KCNAB1: variants seen among roughly 807,000 people sequenced by gnomAD.
KCNAB1 encodes the protein potassium voltage-gated channel subfamily A regulatory beta subunit 1.
In KCNAB1, 35 loss-of-function variants were observed where a neutral mutation model predicts 64.6. That is an observed-to-expected ratio of 0.54 (90% CI 0.41 to 0.72). The LOEUF is 0.72. Among genes scored for constraint, KCNAB1 ranks in the 30% least tolerant of loss-of-function variants. The pLI is 0.00. For missense variants in KCNAB1, 401 were observed against 512.9 expected (o/e 0.78, Z 2.11); for synonymous variants, 177 against 183.8 (o/e 0.96, Z 0.30).
At chr3:156,503,441 T>C (rs1236242781) in intron 8 of KCNAB1, among the ~76,000 whole-genome samples, 2 of 152,210 alleles carry the variant, frequency 1.3e-5, no homozygotes, top group East Asian at 1.9e-4. Context: ...AAAGAGTACA[T>C]GTCTGGTGGA....
intron 1 of KCNAB1, among the ~76,000 whole-genome samples, chr3:156,368,357 C>T (rs182504370): frequency 2.6e-5 from 4 of 152,122 alleles, no homozygotes; most frequent in South Asian, 4.2e-4. Context: ...CCTGGTGATC[C>T]GTTCAAAGGG....
At chr3:156,280,207 C>T (rs1202819748) in intron 1 of KCNAB1, among the ~76,000 whole-genome samples, 4 of 150,346 alleles carry the variant, frequency 2.7e-5, no homozygotes, top group African/African-American at 9.8e-5. Flanking sequence ...TTTCCCAGCA[C>T]CATTTATTAA....
At chr3:156,526,733 A>T (rs1490933611) in intron 12 of KCNAB1, among the ~76,000 whole-genome samples, 1 of 152,162 alleles carries the variant, frequency 6.6e-6, no homozygotes, top group Non-Finnish European at 1.5e-5. Context: ...CTATACTATT[A>T]CTAGTCATAT....
At chr3:156,218,799 A>T (rs1389301362) in intron 1 of KCNAB1, among the ~76,000 whole-genome samples, 3 of 101,828 alleles carry the variant, frequency 2.9e-5, no homozygotes, top group Non-Finnish European at 5.7e-5. Flanking sequence ...AAAAAAAAAA[A>T]AAAATAATAA....
intron 1 of KCNAB1, among the ~76,000 whole-genome samples, chr3:156,335,589 C>T (rs549495437): frequency 7.9e-5 from 12 of 152,348 alleles, no homozygotes; most frequent in African/African-American, 2.4e-4. Flanking sequence ...AATATCCAGA[C>T]ATTATCTAGA....
intron 1 of KCNAB1, among the ~76,000 whole-genome samples, chr3:156,244,916 T>C (rs1717365964): frequency 6.6e-6 from 1 of 152,202 alleles, no homozygotes; most frequent in South Asian, 2.1e-4. Context: ...AGGACAGATA[T>C]CCTTTGCATT....
chr3:156,378,435 G>A (rs549822268), intron 1 of KCNAB1, among the ~76,000 whole-genome samples: 50 of 152,218 alleles, frequency 3.3e-4, no homozygotes, highest in African/African-American at 1.2e-3. Context: ...ACTGAACTAT[G>A]CATGCATGGT....
intron 1 of KCNAB1, 128 bp downstream of exon 1, chr3:156,121,014 A>G (rs1425078582): frequency 9.3e-7 from 1 of 1,080,964 alleles, no homozygotes; most frequent in Non-Finnish European, 1.3e-6. Context: ...GATGATTGGC[A>G]CTTCAGAATG....
intron 1 of KCNAB1, among the ~76,000 whole-genome samples, chr3:156,211,217 G>A (rs1161177225): frequency 7.2e-5 from 11 of 151,986 alleles, no homozygotes; most frequent in Admixed American, 7.2e-4. Flanking sequence ...CTTATTCTGG[G>A]GAACTATATA....
At chr3:156,264,030 G>T (rs961255166) in intron 1 of KCNAB1, among the ~76,000 whole-genome samples, 1 of 151,976 alleles carries the variant, frequency 6.6e-6, no homozygotes, top group Non-Finnish European at 1.5e-5. Context: ...AAGAAGTGTT[G>T]AATTGTCTAT....
At chr3:156,436,264 G>A (rs1227547538) in intron 2 of KCNAB1, among the ~76,000 whole-genome samples, 1 of 152,140 alleles carries the variant, frequency 6.6e-6, no homozygotes, top group African/African-American at 2.4e-5. Context: ...TTTTATGGCT[G>A]CATAGTATTC....
At chr3:156,421,859 T>C (rs186215310) in intron 2 of KCNAB1, among the ~76,000 whole-genome samples, 200 bp downstream of exon 2, 90 of 152,282 alleles carry the variant, frequency 5.9e-4, no homozygotes, top group Admixed American at 5.2e-3. Flanking sequence ...TCATGATTCC[T>C]TATAGGGGCC....
intron 1 of KCNAB1, among the ~76,000 whole-genome samples, chr3:156,310,122 T>A (rs1438169490): frequency 6.6e-6 from 1 of 152,206 alleles, no homozygotes; most frequent in African/African-American, 2.4e-5. Flanking sequence ...GGACTCTTTG[T>A]GCAGTAGTGC....
At chr3:156,476,313 C>A (rs1002498827) in intron 8 of KCNAB1, among the ~76,000 whole-genome samples, 8 of 151,962 alleles carry the variant, frequency 5.3e-5, no homozygotes, top group Non-Finnish European at 8.8e-5. Flanking sequence ...CTCTTCCCCC[C>A]AAGTCCCCAA....
chr3:156,262,200 A>AT (rs534864306), intron 1 of KCNAB1, among the ~76,000 whole-genome samples: 170 of 151,866 alleles, frequency 1.1e-3, no homozygotes, highest in African/African-American at 3.8e-3. Flanking sequence ...CCTTTTATTT[A>AT]TTTTTTATTG....
chr3:156,323,602 T>C (rs565396859), intron 1 of KCNAB1, among the ~76,000 whole-genome samples: 1 of 152,322 alleles, frequency 6.6e-6, no homozygotes, highest in Non-Finnish European at 1.5e-5. Context: ...TGTGTCATTC[T>C]GAAGAGAGGA....
intron 8 of KCNAB1, among the ~76,000 whole-genome samples, chr3:156,478,526 C>T (rs899662767): frequency 2.0e-5 from 3 of 152,070 alleles, no homozygotes; most frequent in Admixed American, 6.6e-5. Context: ...TACCAGGTAG[C>T]GCGGAGTACA....
intron 1 of KCNAB1, among the ~76,000 whole-genome samples, chr3:156,150,207 G>A (rs909895324): frequency 1.3e-5 from 2 of 152,196 alleles, no homozygotes; most frequent in Non-Finnish European, 1.5e-5. Context: ...TGGAGGCGTA[G>A]TGAAAGGGGC....
At chr3:156,130,064 C>T (rs1435556628) in intron 1 of KCNAB1, among the ~76,000 whole-genome samples, 1 of 152,134 alleles carries the variant, frequency 6.6e-6, no homozygotes, top group African/African-American at 2.4e-5. Context: ...AGCAAAACAC[C>T]TCTCCTCTCC....
Sources: allele counts gnomAD v4.1 joint callset (sites outside exome capture counted in the v4.1 genomes callset), GRCh38; gene constraint gnomAD v4.1.1; transcripts MANE v1.5; gene names NCBI Gene and HGNC (gene_info 2026-07-23, HGNC 2026-07-21).